Variants in PTPN2 observed in about 807,000 individuals in gnomAD.
PTPN2 encodes the protein protein tyrosine phosphatase non-receptor type 2.
Under a neutral mutation model 57.3 loss-of-function variants are expected in PTPN2, and 19 were observed. The observed-to-expected ratio is 0.33, with a 90% CI of 0.23 to 0.49. PTPN2 has a LOEUF of 0.49. Among genes scored for constraint, PTPN2 ranks in the 20% least tolerant of loss-of-function variants. The pLI is 0.99. For missense variants in PTPN2, 358 were observed against 501.1 expected, an observed-to-expected ratio of 0.71 and a Z score of 2.73; for synonymous variants, 153 against 164.9, an observed-to-expected ratio of 0.93 and a Z score of 0.55.
Position 12,870,306 on chromosome 18 carries a change from TATAC to T in PTPN2, c.70-11056_70-11053del, listed in dbSNP as rs1308914164. Among the ~76,000 whole-genome samples the T allele has an allele frequency of 1.0e-3, 90 of 87,658 alleles. 14 individuals are homozygous for T. The highest frequency in any genetic ancestry group is 5.7e-3 in the African/African-American group (86 of 15,108). The allele number at this position is 87,658 out of a possible 152,430, so 57.5% of individuals were successfully genotyped here. The stretch of plus-strand genomic sequence containing the variant: ...ATACATATACATATATATGTGTATA[TATAC>T]ATATATATGTGTATATATATGTATA... On this transcript the variant is annotated intron_variant, in intron 1 of 8. Transcript: ENST00000309660.
At chr18:12,808,444 C>G (rs915021671) in intron 7 of PTPN2, among the ~76,000 whole-genome samples, 2 of 151,840 alleles carry the variant, frequency 1.3e-5, no homozygotes, top group African/African-American at 4.8e-5. Context: ...ATCAAAATAT[C>G]ACACTGAACC....
intron 4 of PTPN2, among the ~76,000 whole-genome samples, chr18:12,830,246 T>C (rs1415073732): frequency 6.6e-6 from 1 of 151,956 alleles, no homozygotes; most frequent in African/African-American, 2.4e-5. Flanking sequence ...ACCTCCTAGG[T>C]TCAAGCGGTT....
chr18:12,789,876 GTGTATA>G (rs1354475248), downstream of PTPN2, among the ~76,000 whole-genome samples: 2 of 148,784 alleles, frequency 1.3e-5, no homozygotes, highest in African/African-American at 4.9e-5. Context: ...GTGTGTGTGT[GTGTATA>G]TATATATGTA....
intron 3 of PTPN2, 41 bp downstream of exon 3, chr18:12,836,748 AAC>A: frequency 7.9e-7 from 1 of 1,264,066 alleles, no homozygotes; most frequent in South Asian, 1.2e-5. Context: ...AACAAGCACA[AAC>A]ACATCATTTT....
At chr18:12,788,158 AT>A (rs2040889163), downstream of PTPN2, 2 of 154,812 alleles carry the variant, frequency 1.3e-5, no homozygotes, top group African/African-American at 2.4e-5. Context: ...TGTCTGAAAA[AT>A]ATGCCAAATT....
intron 1 of PTPN2, among the ~76,000 whole-genome samples, chr18:12,870,273 G>GTA (rs1555679401): frequency 1.2e-5 from 1 of 81,752 alleles, no homozygotes; most frequent in Non-Finnish European, 2.1e-5. Flanking sequence ...ATATATATAT[G>GTA]TATATATATA....
intron 1 of PTPN2, among the ~76,000 whole-genome samples, chr18:12,865,930 C>A (rs1019522300): frequency 6.6e-6 from 1 of 152,098 alleles, no homozygotes; most frequent in Non-Finnish European, 1.5e-5. Context: ...AAGGCACATA[C>A]CCAAGAGAAA....
chr18:12,846,218 C>T (rs2145428904), intron 2 of PTPN2, among the ~76,000 whole-genome samples: 1 of 152,244 alleles, frequency 6.6e-6, no homozygotes, highest in Middle Eastern at 3.4e-3. Context: ...CTGGTGTTGG[C>T]CAGACTTCTC....
intron 7 of PTPN2, among the ~76,000 whole-genome samples, chr18:12,810,713 G>A (rs2041863173): frequency 2.0e-5 from 3 of 152,194 alleles, no homozygotes; most frequent in Non-Finnish European, 2.9e-5. Context: ...GGTACAATTT[G>A]TCTAGAGGAT....
intron 5 of PTPN2, among the ~76,000 whole-genome samples, chr18:12,820,242 A>G (rs75139519): frequency 1.3e-5 from 2 of 151,280 alleles, no homozygotes; most frequent in African/African-American, 4.9e-5. Flanking sequence ...TAGATTTTTG[A>G]AAATCAGTTG....
chr18:12,788,351 T>A (rs752323415), downstream of PTPN2, among the ~76,000 whole-genome samples: 2 of 148,044 alleles, frequency 1.4e-5, no homozygotes, highest in Admixed American at 6.7e-5. Flanking sequence ...ATTCTAAATT[T>A]AAAAAAATAA....
chr18:12,810,855 G>C (rs1295272507), intron 7 of PTPN2, among the ~76,000 whole-genome samples: 1 of 152,152 alleles, frequency 6.6e-6, no homozygotes, highest in Non-Finnish European at 1.5e-5. Context: ...CGCAAACCAT[G>C]TCCCCGAAAG....
chr18:12,836,405 G>A (rs188335729), intron 3 of PTPN2, among the ~76,000 whole-genome samples: 6 of 152,302 alleles, frequency 3.9e-5, no homozygotes, highest in South Asian at 4.1e-4. Flanking sequence ...AGATATATGC[G>A]AGGCAGGGGG....
At chr18:12,822,647 A>T (rs2042310491) in intron 5 of PTPN2, among the ~76,000 whole-genome samples, 1 of 152,184 alleles carries the variant, frequency 6.6e-6, no homozygotes, top group Non-Finnish European at 1.5e-5. Context: ...AGACTCCCTT[A>T]GATGCAAACT....
chr18:12,873,765 G>A (rs1209405104), intron 1 of PTPN2, among the ~76,000 whole-genome samples: 1 of 152,064 alleles, frequency 6.6e-6, no homozygotes, highest in Non-Finnish European at 1.5e-5. Context: ...TGGGATGTTA[G>A]GAGCCCCTCT....
chr18:12,810,065 C>T (rs1434504528), intron 7 of PTPN2, among the ~76,000 whole-genome samples: 1 of 152,012 alleles, frequency 6.6e-6, no homozygotes, highest in African/African-American at 2.4e-5. Context: ...GCCTGTAATC[C>T]CAGTTACTTG....
chr18:12,820,977 C>T (rs1160174299), intron 5 of PTPN2, among the ~76,000 whole-genome samples: 1 of 152,122 alleles, frequency 6.6e-6, no homozygotes, highest in Admixed American at 6.6e-5. Flanking sequence ...AATTGTTAGG[C>T]CACAGCAATT....
At chr18:12,802,825 A>T (rs1044656395) in intron 7 of PTPN2, among the ~76,000 whole-genome samples, 6 of 152,226 alleles carry the variant, frequency 3.9e-5, no homozygotes, top group Admixed American at 2.6e-4. Context: ...GCAAGAATTT[A>T]TTACCACTAG....
In PTPN2 at chr18:12,832,690, GA is replaced by G. The variant is rs371384647; in HGVS notation, c.262-1650del. On this transcript the variant is annotated intron_variant, in intron 3 of 8. Transcript: ENST00000309660. Reference sequence around the variant, plus strand: ...AATGAATACCTTTTTCTTTAATTAGGAAAAAAAAAATGGATGTAGCAATTTG... The same window carrying G: ...AATGAATACCTTTTTCTTTAATTAGGAAAAAAAAATGGATGTAGCAATTTG... Among the ~76,000 whole-genome samples, 345 of 148,740 alleles carry G rather than the reference GA, an allele frequency of 2.3e-3. 3 individuals carry two copies. The highest frequency in any genetic ancestry group is 0.018 in the Middle Eastern group (5 of 282).
Sources: allele counts gnomAD v4.1 joint callset (sites outside exome capture counted in the v4.1 genomes callset), GRCh38; gene constraint gnomAD v4.1.1; transcripts MANE v1.5; gene names NCBI Gene and HGNC (gene_info 2026-07-23, HGNC 2026-07-21).